The following EXOC2 variants were observed in gnomAD, a reference collection of about 807,000 sequenced individuals.
The protein encoded by EXOC2 is SEC5-like 1.
A neutral mutation model predicts 131.8 loss-of-function variants in EXOC2; 70 were observed. The ratio of observed to expected loss-of-function variants is 0.53; its 90% CI spans 0.44 to 0.65. The LOEUF is 0.65. EXOC2 is among the 30% of genes least tolerant of loss of function. EXOC2 has a pLI of 0.00. For synonymous variants in EXOC2, 411 were observed against 398.4 expected (o/e 1.03, Z -0.38); for missense variants, 923 against 1,108.6 (o/e 0.83, Z 2.38).
intron 12 of EXOC2, 56 bp downstream of exon 12, chr6:576,701 G>GTACACGAGTAC: frequency 6.3e-7 from 1 of 1,589,300 alleles, no homozygotes; most frequent in South Asian, 1.1e-5. Flanking sequence ...AAGAATGTTT[G>GTACACGAGTAC]AAATTACACG....
chr6:486,344 G>A lies in EXOC2; in HGVS notation c.*327C>T, dbSNP rs1291904047. 3 of 242,814 alleles carry A rather than the reference G, an allele frequency of 1.2e-5. No homozygotes were observed. The highest frequency in any genetic ancestry group is 2.4e-5 in the Non-Finnish European group (3 of 125,464). 15.0% of individuals were successfully genotyped at this position (242,814 alleles called of 1,614,324 possible). A position where few individuals can be genotyped will look rare whatever the true frequency, so the allele number is the denominator to read the frequency against. On this transcript the variant is annotated 3_prime_UTR_variant, in exon 28 of 28. Transcript: ENST00000230449. ...GGGACACTGAGAAATGCTTCAATATGTGCCACGCCATTCCAGAAAACTCCC... is the reference window on the plus strand; with the variant it reads ...GGGACACTGAGAAATGCTTCAATATATGCCACGCCATTCCAGAAAACTCCC...
rs538039742 is a variant in EXOC2, at chr6:545,839, A to T, written c.2238+3336T>A. On this transcript the variant is annotated intron_variant, in intron 22 of 27. Transcript: ENST00000230449. ...GTTACTAGTATGGGAGAGGTTAAAA[A>T]TACTACGTATACCCACATTAACAAA... Among the ~76,000 whole-genome samples, 5 of 152,354 alleles carry T rather than the reference A, an allele frequency of 3.3e-5. No homozygotes were observed. In the East Asian group the frequency reaches 7.7e-4, roughly 23 times the overall value.
At chr6:517,842 A>G (rs1165573171) in intron 23 of EXOC2, among the ~76,000 whole-genome samples, 1 of 152,234 alleles carries the variant, frequency 6.6e-6, no homozygotes, top group Non-Finnish European at 1.5e-5. Flanking sequence ...GAACAGGTTA[A>G]ATGACACCAT....
rs376523855 is a variant in EXOC2, at chr6:550,159, C to G, written c.2122-868G>C. Among the ~76,000 whole-genome samples the G allele has an allele frequency of 8.5e-5, 13 of 152,212 alleles. No homozygotes were observed. In the East Asian group the frequency reaches 1.5e-3, roughly 18 times the overall value. ...TGGAACAACTTTGACTAATCTAGAG[C>G]CTTGAGTTAGATCCTTTGACTAAAC... On this transcript the variant is annotated intron_variant, in intron 21 of 27. Transcript: ENST00000230449.
chr6:615,875 T>TTTTTTTA (rs1760974897), intron 6 of EXOC2, among the ~76,000 whole-genome samples: 1 of 152,146 alleles, frequency 6.6e-6, no homozygotes, highest in South Asian at 2.1e-4. Context: ...AAAAATAAAG[T>TTTTTTTA]TTGGGGATAA....
intron 1 of EXOC2, among the ~76,000 whole-genome samples, chr6:684,884 G>A (rs1287923997): frequency 6.6e-6 from 1 of 152,094 alleles, no homozygotes; most frequent in East Asian, 1.9e-4. Flanking sequence ...GAAGAGTTTC[G>A]CTGATTTCAA....
At chr6:655,196 A>C (rs182645756) in intron 1 of EXOC2, among the ~76,000 whole-genome samples, 3 of 152,346 alleles carry the variant, frequency 2.0e-5, no homozygotes, top group South Asian at 4.1e-4. Context: ...AGCCTTCAAC[A>C]ACCACCACTG....
chr6:580,874 T>A (rs1458594184), intron 11 of EXOC2, among the ~76,000 whole-genome samples: 2 of 152,110 alleles, frequency 1.3e-5, no homozygotes, highest in African/African-American at 4.8e-5. Context: ...TTCGTACAGT[T>A]TTGGACACTG....
intron 7 of EXOC2, among the ~76,000 whole-genome samples, chr6:606,652 A>G (rs1192539576): frequency 2.0e-5 from 3 of 152,210 alleles, no homozygotes; most frequent in Non-Finnish European, 2.9e-5. Flanking sequence ...CACCGTCCAC[A>G]TCATGAAACA....
intron 1 of EXOC2, among the ~76,000 whole-genome samples, chr6:675,654 C>T (rs1332478843): frequency 9.9e-5 from 2 of 20,192 alleles, no homozygotes; most frequent in Non-Finnish European, 2.7e-4. Flanking sequence ...CTGGCGACTG[C>T]AGTTCCCCAT....
chr6:600,359 C>T (rs7748249), intron 7 of EXOC2, among the ~76,000 whole-genome samples: 13,581 of 152,124 alleles, frequency 0.089, 1,025 homozygotes, highest in African/African-American at 0.21. Flanking sequence ...CCAAACCACA[C>T]AATGGAGGCT....
intron 1 of EXOC2, among the ~76,000 whole-genome samples, chr6:678,698 G>GTTAC (rs1369744501): frequency 1.3e-5 from 2 of 152,182 alleles, no homozygotes; most frequent in Non-Finnish European, 2.9e-5. Context: ...AGGGCATGGG[G>GTTAC]CTCCAGGGCA....
chr6:600,700 A>G (rs1408775208), intron 7 of EXOC2, among the ~76,000 whole-genome samples: 1 of 152,164 alleles, frequency 6.6e-6, no homozygotes, highest in Non-Finnish European at 1.5e-5. Flanking sequence ...TCTAAAAAGT[A>G]TGAAAACAAG....
At chr6:556,402 A>G in intron 18 of EXOC2, 82 bp downstream of exon 18, 2 of 1,341,826 alleles carry the variant, frequency 1.5e-6, no homozygotes, top group Non-Finnish European at 2.1e-6. Flanking sequence ...AAGATCTTGC[A>G]GTACGATGAG....
Position 556,001 on chromosome 6 carries a change from G to A in EXOC2, c.1945C>T (p.Pro649Ser). The A allele has an allele frequency of 6.2e-7, 1 of 1,614,042 alleles. No homozygotes were observed. The change falls in exon 19 of 28, where the codon CCT becomes TCT. Residue 649 changes from proline to serine, a missense_variant. Coordinates refer to ENST00000230449, the MANE Select transcript of EXOC2 (RefSeq NM_018303.6). ...KPGEASVFQQPKTQEEVCQLS... is the reference protein window; with the variant it reads ...KPGEASVFQQSKTQEEVCQLS... ...TGGCAAACCTCCTCCTGTGTTTTAG[G>A]TTGTTGGAAGACCTGTAAGGAAGAA...
chr6:599,227 T>G lies in EXOC2; in HGVS notation c.743-2A>C. 1.3e-6 allele frequency: 2 copies of G among 1,543,102 alleles called. No individual in the cohort carries two copies. Among genetic ancestry groups the G allele is most frequent in the Non-Finnish European group, 1.7e-6 (2 of 1,143,530 alleles). On this transcript the variant is annotated splice_acceptor_variant, in intron 7 of 27. Coordinates refer to ENST00000230449, the MANE Select transcript of EXOC2 (RefSeq NM_018303.6). LOFTEE classifies it high-confidence loss of function. ...ATGTGTCTGCAGTATTACTTGCTCC[T>G]GTTTTAAAAAGAGGAAAGGAAACTT...
chr6:574,555 A>C (rs527873978), intron 12 of EXOC2, among the ~76,000 whole-genome samples: 1 of 152,198 alleles, frequency 6.6e-6, no homozygotes, highest in African/African-American at 2.4e-5. Flanking sequence ...TTTATTAGGT[A>C]TATTAGCCCT....
chr6:600,270 C>G (rs1487137091), intron 7 of EXOC2, among the ~76,000 whole-genome samples: 2 of 152,148 alleles, frequency 1.3e-5, no homozygotes, highest in South Asian at 2.1e-4. Context: ...GTCAAGATAA[C>G]TGTTTTCACC....
chr6:594,265 T>C (rs548074983), intron 10 of EXOC2, among the ~76,000 whole-genome samples: 1 of 150,646 alleles, frequency 6.6e-6, no homozygotes, highest in Non-Finnish European at 1.5e-5. Context: ...ATTCTTTCTC[T>C]CACACAAGGC....
Sources: allele counts gnomAD v4.1 joint callset (sites outside exome capture counted in the v4.1 genomes callset), GRCh38; gene constraint gnomAD v4.1.1; transcripts MANE v1.5; gene names NCBI Gene and HGNC (gene_info 2026-07-23, HGNC 2026-07-21).